COBL: variants seen among roughly 807,000 people sequenced by gnomAD.
COBL encodes protein cordon-bleu.
In COBL, 51 loss-of-function variants were observed where a neutral mutation model predicts 98.8. The observed-to-expected ratio is 0.52, with a 90% CI of 0.41 to 0.65. The LOEUF is 0.65. COBL is among the 30% of genes least tolerant of loss of function. COBL has a pLI of 0.00. For synonymous variants in COBL, 634 were observed against 651.7 expected (o/e 0.97, Z 0.41); for missense variants, 1,617 against 1,617.5 (o/e 1.00, Z 0.01).
intron 6 of COBL, among the ~76,000 whole-genome samples, chr7:51,114,956 A>C (rs536095685): frequency 6.6e-6 from 1 of 152,330 alleles, no homozygotes; most frequent in Non-Finnish European, 1.5e-5. Context: ...ACTAATGATA[A>C]ATATTCACTG....
Position 51,017,456 on chromosome 7 carries a change from A to C in COBL, c.*95T>G. 1 of 1,338,810 alleles carries C rather than the reference A, an allele frequency of 7.5e-7. No individual in the cohort carries two copies. The highest frequency in any genetic ancestry group is 1.1e-6 in the Non-Finnish European group (1 of 930,810). The allele number at this position is 1,338,810 out of a possible 1,614,324, so 82.9% of individuals were successfully genotyped here. A position where few individuals can be genotyped will look rare whatever the true frequency, so the allele number is the denominator to read the frequency against. ...TTTGGCCTGTAGACAAGAAAGTAAC[A>C]CCAAAACTTGATGTTCCTGGCTATG... On this transcript the variant is annotated 3_prime_UTR_variant, in exon 13 of 13. Coordinates refer to ENST00000265136, the MANE Select transcript of COBL (RefSeq NM_015198.5).
In COBL at chr7:51,027,633, G is replaced by T. The variant is rs186901173; in HGVS notation, c.3384+79C>A. The T allele has an allele frequency of 4.9e-6, 6 of 1,219,050 alleles. No individual in the cohort carries two copies. In the East Asian group the frequency reaches 9.4e-5, roughly 19 times the overall value. The allele number at this position is 1,219,050 out of a possible 1,614,324, so 75.5% of individuals were successfully genotyped here. A position where few individuals can be genotyped will look rare whatever the true frequency, so the allele number is the denominator to read the frequency against. On this transcript the variant is annotated intron_variant, in intron 10 of 12. Coordinates refer to ENST00000265136, the MANE Select transcript of COBL (RefSeq NM_015198.5). ...CTAATCCCGTCTCTCTCTCTCCTCC[G>T]CTTTATTCTGAGACTCTGAGACCAG... is the stretch of plus-strand genomic sequence containing the variant.
intron 5 of COBL, 95 bp downstream of exon 5, chr7:51,184,007 T>C: frequency 3.5e-6 from 2 of 574,964 alleles, no homozygotes; most frequent in Non-Finnish European, 3.0e-6. Flanking sequence ...TAAATAGAAT[T>C]GTTTAGAAAA....
chr7:51,060,170 C>T (rs1791186410), intron 7 of COBL, among the ~76,000 whole-genome samples: 1 of 152,186 alleles, frequency 6.6e-6, no homozygotes, highest in East Asian at 1.9e-4. Flanking sequence ...CAGCCCAGAT[C>T]TCACAATGAA....
intron 1 of COBL, among the ~76,000 whole-genome samples, chr7:51,285,145 A>C (rs6950642): frequency 0.55 from 83,629 of 151,588 alleles, 23,492 homozygotes; most frequent in African/African-American, 0.66. Context: ...CAGGGTTTCA[A>C]CATCTTGGCC....
intron 6 of COBL, among the ~76,000 whole-genome samples, chr7:51,111,186 C>A (rs1796787857): frequency 1.3e-5 from 2 of 152,276 alleles, no homozygotes; most frequent in Middle Eastern, 6.8e-3. Context: ...AATTTCATTT[C>A]TTTTGGATAA....
At chr7:51,262,941 C>T (rs916364613) in intron 1 of COBL, among the ~76,000 whole-genome samples, 1 of 152,118 alleles carries the variant, frequency 6.6e-6, no homozygotes, top group Admixed American at 6.5e-5. Flanking sequence ...TGGGCTGCAT[C>T]TGGAAAAAGA....
chr7:51,052,187 C>A (rs1790315354), intron 7 of COBL, among the ~76,000 whole-genome samples: 1 of 152,086 alleles, frequency 6.6e-6, no homozygotes, highest in African/African-American at 2.4e-5. Flanking sequence ...ATACAAGAAG[C>A]CCCAACCAAC....
intron 6 of COBL, among the ~76,000 whole-genome samples, chr7:51,121,761 A>G (rs1797758401): frequency 6.6e-6 from 1 of 152,146 alleles, no homozygotes; most frequent in African/African-American, 2.4e-5. Context: ...TTGAAAACCC[A>G]CTTTTCTGAT....
At chr7:51,052,419 G>T (rs1790334960) in intron 7 of COBL, among the ~76,000 whole-genome samples, 1 of 152,148 alleles carries the variant, frequency 6.6e-6, no homozygotes, top group Non-Finnish European at 1.5e-5. Context: ...ACAAATCTTG[G>T]ATCCATTTAT....
At chr7:51,201,988 T>C (rs546248381) in intron 2 of COBL, among the ~76,000 whole-genome samples, 35 of 152,326 alleles carry the variant, frequency 2.3e-4, no homozygotes, top group African/African-American at 7.7e-4. Flanking sequence ...CTTTGTCCAA[T>C]GTATTCACAC....
intron 1 of COBL, among the ~76,000 whole-genome samples, chr7:51,253,639 CAAT>C (rs1181514906): frequency 6.6e-6 from 1 of 152,194 alleles, no homozygotes; most frequent in Non-Finnish European, 1.5e-5. Context: ...CTTCCATTCC[CAAT>C]AACATCATTG....
chr7:51,212,436 C>T (rs1486966360), intron 2 of COBL, among the ~76,000 whole-genome samples: 1 of 152,184 alleles, frequency 6.6e-6, no homozygotes, highest in African/African-American at 2.4e-5. Flanking sequence ...CCAAGTCCTA[C>T]TTCCATTTCC....
At chr7:51,065,096 G>A in intron 7 of COBL, 1 of 674,944 alleles carries the variant, frequency 1.5e-6, no homozygotes, top group South Asian at 1.6e-5. Flanking sequence ...CACCTTCACA[G>A]TATTCTAACA....
intron 2 of COBL, among the ~76,000 whole-genome samples, chr7:51,208,442 G>C (rs1347496936): frequency 5.1e-5 from 7 of 138,542 alleles, no homozygotes; most frequent in African/African-American, 1.8e-4. Context: ...GAGGTGGGGG[G>C]GGTCAGCCCC....
At chr7:51,065,535 G>A in intron 7 of COBL, 1 of 617,776 alleles carries the variant, frequency 1.6e-6, no homozygotes, top group Non-Finnish European at 2.9e-6. Flanking sequence ...TTGGGCTAGG[G>A]TGGGCTACAG....
chr7:51,147,998 G>C (rs543240107), intron 5 of COBL, among the ~76,000 whole-genome samples: 2 of 152,006 alleles, frequency 1.3e-5, no homozygotes, highest in Non-Finnish European at 2.9e-5. Flanking sequence ...TCCGGATCTC[G>C]TGATCCGCCC....
At position 51,215,302 on chromosome 7, in the gene COBL, G is replaced by A. The variant is rs146402788; in HGVS notation, c.245+4439C>T. On this transcript the variant is annotated intron_variant, in intron 2 of 12. Coordinates refer to ENST00000265136, the MANE Select transcript of COBL (RefSeq NM_015198.5). ...TCACTTCCCCACAAAAAAGATTTTCGTAAAGAAAACATATTAGAAATCGGA... is the reference window on the plus strand; with the variant it reads ...TCACTTCCCCACAAAAAAGATTTTCATAAAGAAAACATATTAGAAATCGGA... 4.1e-3 allele frequency among the ~76,000 whole-genome samples: 619 copies of A among 152,280 alleles called. 2 individuals are homozygous for A. Among genetic ancestry groups the A allele is most frequent in the Middle Eastern group, 6.8e-3 (2 of 294 alleles).
rs560450331 is a variant in COBL at position 51,205,826 on chromosome 7, G to T, written c.246-12237C>A. 2.1e-4 allele frequency among the ~76,000 whole-genome samples: 32 copies of T among 152,082 alleles called. No homozygotes were observed. The South Asian group carries it at 6.5e-3, about 31-fold the overall frequency. ...TGACAGCCACATATCCAATTAAGGG[G>T]TTAATATCCAAAATAGATAAAGAAC... On this transcript the variant is annotated intron_variant, in intron 2 of 12. Transcript: ENST00000265136.
Sources: gnomAD v4.1 joint callset for allele counts (sites outside exome capture counted in the v4.1 genomes callset) on GRCh38, gnomAD v4.1.1 for gene constraint, MANE v1.5 for transcripts, NCBI Gene and HGNC (gene_info 2026-07-23, HGNC 2026-07-21) for gene names.